The following SUSD1 variants were observed in gnomAD, a reference collection of about 807,000 sequenced individuals.
The protein encoded by SUSD1 is sushi domain containing 1, also known as sushi domain-containing protein 1.
Under a neutral mutation model 86.9 loss-of-function variants are expected in SUSD1, and 65 were observed. That is an observed-to-expected ratio of 0.75 (90% CI 0.61 to 0.92). The LOEUF (loss-of-function observed/expected upper bound fraction) is 0.92. SUSD1 is among the 40% of genes least tolerant of loss of function. The pLI, the probability that SUSD1 is intolerant of heterozygous loss-of-function variation, is 0.00. For missense variants in SUSD1, 850 were observed against 929.7 expected, an observed-to-expected ratio of 0.91 and a Z score of 1.11; for synonymous variants, 346 against 350.0, an observed-to-expected ratio of 0.99 and a Z score of 0.13.
chr9:112,091,044 G>A (rs960376772), intron 10 of SUSD1, among the ~76,000 whole-genome samples: 2 of 152,148 alleles, frequency 1.3e-5, no homozygotes, highest in East Asian at 3.9e-4. Flanking sequence ...GATCTACAAG[G>A]TCACTAACTT....
At chr9:112,130,400 A>T (rs1191581451) in intron 5 of SUSD1, among the ~76,000 whole-genome samples, 2 of 127,624 alleles carry the variant, frequency 1.6e-5, no homozygotes, top group Non-Finnish European at 3.3e-5. Flanking sequence ...AGGGGAAGGG[A>T]GGGAACGGGA....
At chr9:112,145,427 G>T (rs999810817) in intron 3 of SUSD1, among the ~76,000 whole-genome samples, 2 of 151,836 alleles carry the variant, frequency 1.3e-5, no homozygotes, top group African/African-American at 4.8e-5. Flanking sequence ...CTACAGGTGT[G>T]TACCACCACG....
intron 5 of SUSD1, among the ~76,000 whole-genome samples, chr9:112,137,483 AAATCCTTAGAGCGTTCTT>A (rs560412163): frequency 2.1e-4 from 32 of 152,338 alleles, no homozygotes; most frequent in Admixed American, 2.1e-3. Context: ...TTTCCTATGT[AAATCCTTAGAGCGTTCTT>A]TGATAGGCAC....
At chr9:112,073,793 C>T (rs968251866) in intron 12 of SUSD1, among the ~76,000 whole-genome samples, 2 of 151,748 alleles carry the variant, frequency 1.3e-5, no homozygotes, top group African/African-American at 4.8e-5. Context: ...CTTGGGAGGT[C>T]GGGGCATGAG....
intron 6 of SUSD1, among the ~76,000 whole-genome samples, chr9:112,115,388 G>T (rs1471734293): frequency 6.6e-6 from 1 of 152,142 alleles, no homozygotes; most frequent in Non-Finnish European, 1.5e-5. Context: ...AGGCAGAGAG[G>T]GAAAAATAGG....
At chr9:112,164,439 C>T (rs920217617) in intron 1 of SUSD1, among the ~76,000 whole-genome samples, 3 of 151,768 alleles carry the variant, frequency 2.0e-5, no homozygotes, top group South Asian at 2.1e-4. Flanking sequence ...CAAATCACCT[C>T]GGGAGGCTGA....
intron 12 of SUSD1, among the ~76,000 whole-genome samples, chr9:112,067,433 T>A (rs1053117302): frequency 2.0e-5 from 3 of 152,204 alleles, no homozygotes; most frequent in Non-Finnish European, 4.4e-5. Context: ...TGGAGTTGGG[T>A]TTCTGTCACT....
chr9:112,079,420 AG>A, intron 11 of SUSD1, among the ~76,000 whole-genome samples: 1 of 152,252 alleles, frequency 6.6e-6, no homozygotes, highest in African/African-American at 2.4e-5. Context: ...ATCCAAACTA[AG>A]CAGGACCTGA....
intron 15 of SUSD1, among the ~76,000 whole-genome samples, chr9:112,051,408 C>CTTTTTTTTTTTTTTTTTTTT (rs746946192): frequency 4.5e-4 from 35 of 77,038 alleles, no homozygotes; most frequent in Middle Eastern, 0.011. Flanking sequence ...TTTTTCTTTT[C>CTTTTTTTTTTTTTTTTTTTT]TTTTTTTTTT....
intron 1 of SUSD1, among the ~76,000 whole-genome samples, chr9:112,161,214 C>A (rs1833552244): frequency 6.6e-6 from 1 of 151,590 alleles, no homozygotes; most frequent in African/African-American, 2.4e-5. Context: ...CCTGTCTCTA[C>A]CAAAAATACA....
intron 1 of SUSD1, among the ~76,000 whole-genome samples, chr9:112,173,179 G>C (rs1834118759): frequency 6.6e-6 from 1 of 152,008 alleles, no homozygotes; most frequent in South Asian, 2.1e-4. Context: ...GCCAAGGAAG[G>C]AATCTTAACC....
intron 1 of SUSD1, among the ~76,000 whole-genome samples, chr9:112,172,803 G>A (rs1834100736): frequency 6.6e-6 from 1 of 152,130 alleles, no homozygotes; most frequent in African/African-American, 2.4e-5. Flanking sequence ...AGAACTTCCA[G>A]GCCAGCTATT....
chr9:112,151,582 G>C lies in SUSD1; in HGVS notation c.218-2183C>G, dbSNP rs138138269. Among the ~76,000 whole-genome samples the C allele has an allele frequency of 2.1e-3, 313 of 149,438 alleles. 1 individual carries two copies. The highest frequency in any genetic ancestry group is 7.1e-3 in the African/African-American group (289 of 40,560). On this transcript the variant is annotated intron_variant, in intron 2 of 16. Transcript: ENST00000374270. ...ATTGCACTCCAGCTGGGCAACAAGA[G>C]TGAAATTCCATCTCAAAAAAAAAAA...
At chr9:112,080,725 T>G (rs970007922) in intron 10 of SUSD1, among the ~76,000 whole-genome samples, 1 of 149,958 alleles carries the variant, frequency 6.7e-6, no homozygotes, top group African/African-American at 2.5e-5. Context: ...AGGAAAAAAA[T>G]TATTTGAGTC....
intron 9 of SUSD1, among the ~76,000 whole-genome samples, chr9:112,100,277 C>G (rs1830575715): frequency 6.6e-6 from 1 of 152,148 alleles, no homozygotes; most frequent in Non-Finnish European, 1.5e-5. Context: ...AGCTCCACCT[C>G]CCAGGTTTAC....
chr9:112,140,652 T>C (rs7870176), intron 5 of SUSD1, among the ~76,000 whole-genome samples: 69,275 of 152,000 alleles, frequency 0.46, 16,466 homozygotes, highest in African/African-American at 0.6. Flanking sequence ...TGGCTGAAAA[T>C]AATTCTGAAA....
chr9:112,111,976 C>G (rs982709110), intron 7 of SUSD1, 136 bp from the exon 8 acceptor site: 3 of 824,604 alleles, frequency 3.6e-6, no homozygotes, highest in South Asian at 1.8e-5. Context: ...TAAGGTAAAC[C>G]TGGTCTGCTG....
Position 112,157,613 on chromosome 9 carries a change from C to T in SUSD1, c.104G>A (p.Gly35Asp), listed in dbSNP as rs1299292534. 1.9e-6 allele frequency: 3 copies of T among 1,610,304 alleles called. No homozygotes were observed. The highest frequency in any genetic ancestry group is 2.2e-5 in the East Asian group (1 of 44,858). ...ATGGCAAGTGGCACAGACGTCTAAA[C>T]CTGAATCATAAATTGTATGTTTCAG... Reference protein sequence around the residue: ...RGAAGAPGPDGLDVCATCHEH... With the variant: ...RGAAGAPGPDDLDVCATCHEH... The change falls in exon 2 of 17, where the codon GGT (glycine) becomes GAT (aspartate). Residue 35 changes from glycine to aspartate, a missense_variant and splice_region_variant. By Grantham distance (94) the Gly-to-Asp change is moderately conservative. Transcript: ENST00000374270.
intron 12 of SUSD1, among the ~76,000 whole-genome samples, chr9:112,066,246 G>A (rs1473703057): frequency 5.9e-5 from 9 of 152,156 alleles, no homozygotes; most frequent in Non-Finnish European, 1.0e-4. Flanking sequence ...GCCTGAGACC[G>A]TAAGGAACAG....
Sources: allele counts gnomAD v4.1 joint callset (sites outside exome capture counted in the v4.1 genomes callset), GRCh38; gene constraint gnomAD v4.1.1; transcripts MANE v1.5; gene names NCBI Gene and HGNC (gene_info 2026-07-23, HGNC 2026-07-21).